The following TSHZ2 variants were observed in gnomAD, a reference collection of about 807,000 sequenced individuals.
TSHZ2 encodes teashirt zinc finger homeobox 2.
A neutral mutation model predicts 74.4 loss-of-function variants in TSHZ2; 21 were observed. The ratio of observed to expected loss-of-function variants is 0.28; its 90% confidence interval spans 0.20 to 0.41. TSHZ2 has a LOEUF of 0.41. Ranked by LOEUF, TSHZ2 falls within the 10% of genes least tolerant of loss-of-function variation. The probability of loss-of-function intolerance (pLI) is 1.00; values close to 1 mark genes in which losing one functional copy is unlikely to be tolerated. For missense variants in TSHZ2, 1,244 were observed against 1,293.5 expected, an observed-to-expected ratio of 0.96 and a Z score of 0.59; for synonymous variants, 540 against 515.3, an observed-to-expected ratio of 1.05 and a Z score of -0.65.
chr20:53,241,774 A>T (rs182721777), intron 1 of TSHZ2, among the ~76,000 whole-genome samples: 1 of 149,830 alleles, frequency 6.7e-6, no homozygotes, highest in African/African-American at 2.5e-5. Flanking sequence ...ATTATCTCCA[A>T]TTGATAGATG....
chr20:53,003,996 A>C (rs947297234), intron 1 of TSHZ2, among the ~76,000 whole-genome samples: 2 of 151,804 alleles, frequency 1.3e-5, no homozygotes, highest in African/African-American at 4.8e-5. Context: ...TGGAAAGTTC[A>C]GGGGAGTTCA....
At chr20:53,485,920 A>G (rs1308607102) in intron 2 of TSHZ2, among the ~76,000 whole-genome samples, 1 of 152,236 alleles carries the variant, frequency 6.6e-6, no homozygotes, top group African/African-American at 2.4e-5. Flanking sequence ...TTCACTATTA[A>G]GTGCACAGTT....
At chr20:53,112,471 T>C (rs1199508484) in intron 1 of TSHZ2, among the ~76,000 whole-genome samples, 2 of 152,180 alleles carry the variant, frequency 1.3e-5, no homozygotes, top group East Asian at 1.9e-4. Flanking sequence ...TCCTTCCAAT[T>C]ACTCTCAGAA....
chr20:53,446,066 T>G (rs1218430751), intron 2 of TSHZ2, among the ~76,000 whole-genome samples: 1 of 152,136 alleles, frequency 6.6e-6, no homozygotes, highest in Non-Finnish European at 1.5e-5. Flanking sequence ...ATGCCCTTGA[T>G]CATGTCACTG....
chr20:53,256,569 C>T lies in TSHZ2; in HGVS notation c.*6C>T. 3 of 1,570,822 alleles carry T rather than the reference C, an allele frequency of 1.9e-6. No individual in the cohort carries two copies. Among genetic ancestry groups the T allele is most frequent in the African/African-American group, 1.3e-5 (1 of 74,374 alleles). ...CAGACGTGGATGAAGAATAGCTCTG[C>T]AGGTATGGGTTTGCTCTGAGGCATT... On this transcript the variant is annotated splice_region_variant and 3_prime_UTR_variant, in exon 2 of 3. Transcript: ENST00000371497. This position sits in a 1 kb window ranked among gnomAD's most constrained non-coding sequence, Gnocchi z 4.3.
At chr20:53,421,813 G>A (rs548345188) in intron 2 of TSHZ2, among the ~76,000 whole-genome samples, 78 of 150,124 alleles carry the variant, frequency 5.2e-4, no homozygotes, top group Middle Eastern at 3.4e-3. Flanking sequence ...CTCCCGAGTA[G>A]CTGGGACTAC....
intron 1 of TSHZ2, among the ~76,000 whole-genome samples, chr20:52,979,830 T>C (rs1981493857): frequency 1.3e-5 from 2 of 152,214 alleles, no homozygotes; most frequent in Admixed American, 1.3e-4. Flanking sequence ...ATCAGTATTA[T>C]TTAGCTATGC....
At chr20:53,149,098 T>C (rs769704708) in intron 1 of TSHZ2, among the ~76,000 whole-genome samples, 2 of 152,236 alleles carry the variant, frequency 1.3e-5, no homozygotes, top group South Asian at 4.1e-4. Context: ...GCTGAAACTT[T>C]TTCTGTCTCT....
chr20:53,450,379 C>T (rs1371443338), intron 2 of TSHZ2, among the ~76,000 whole-genome samples: 1 of 152,212 alleles, frequency 6.6e-6, no homozygotes, highest in East Asian at 1.9e-4. Context: ...TCAGGGATCA[C>T]TTTTTGTTGC....
chr20:53,307,560 A>G (rs1207730828), intron 2 of TSHZ2, among the ~76,000 whole-genome samples: 1 of 152,204 alleles, frequency 6.6e-6, no homozygotes, highest in Non-Finnish European at 1.5e-5. Flanking sequence ...CTTTTGCAAC[A>G]TACTGAAGCC....
intron 1 of TSHZ2, among the ~76,000 whole-genome samples, chr20:52,999,980 A>G (rs1011325380): frequency 3.3e-5 from 5 of 152,206 alleles, no homozygotes; most frequent in African/African-American, 1.2e-4. Context: ...AACAGCTAAT[A>G]TTTATTGAGT....
At chr20:53,257,539 T>C (rs772360630) in intron 2 of TSHZ2, among the ~76,000 whole-genome samples, 6 of 152,238 alleles carry the variant, frequency 3.9e-5, no homozygotes, top group Admixed American at 6.5e-5. Flanking sequence ...GGCAGATTAG[T>C]TTCACCAGCC....
At chr20:53,441,823 C>G (rs1177260188) in intron 2 of TSHZ2, among the ~76,000 whole-genome samples, 1 of 152,064 alleles carries the variant, frequency 6.6e-6, no homozygotes, top group Non-Finnish European at 1.5e-5. Flanking sequence ...CTCAAATGAT[C>G]CACCCGCCTC....
intron 1 of TSHZ2, among the ~76,000 whole-genome samples, chr20:53,113,826 T>G (rs1420217049): frequency 6.6e-6 from 1 of 152,150 alleles, no homozygotes; most frequent in African/African-American, 2.4e-5. Flanking sequence ...AAGGCTGCTT[T>G]CCCCAGTCAT....
chr20:53,003,219 T>C (rs186505807), intron 1 of TSHZ2, among the ~76,000 whole-genome samples: 27 of 152,076 alleles, frequency 1.8e-4, no homozygotes, highest in African/African-American at 6.0e-4. Flanking sequence ...TGGGGTTCTA[T>C]TTTATTTCAT....
At chr20:53,305,075 G>A (rs1182444542) in intron 2 of TSHZ2, among the ~76,000 whole-genome samples, 1 of 151,644 alleles carries the variant, frequency 6.6e-6, no homozygotes, top group Non-Finnish European at 1.5e-5. Flanking sequence ...AGCTGGGACT[G>A]CAGGTGCCCT....
At chr20:53,039,253 C>G (rs1018763374) in intron 1 of TSHZ2, among the ~76,000 whole-genome samples, 3 of 152,010 alleles carry the variant, frequency 2.0e-5, no homozygotes, top group African/African-American at 7.2e-5. Flanking sequence ...GAACCTACCC[C>G]GATCATCTGA....
At chr20:53,185,301 C>T (rs900357805) in intron 1 of TSHZ2, 1 of 1,045,912 alleles carries the variant, frequency 9.6e-7, no homozygotes, top group African/African-American at 1.7e-5. Context: ...TTCTAGAACA[C>T]ACCCGACATG....
chr20:53,014,449 T>C (rs1440820455), intron 1 of TSHZ2, among the ~76,000 whole-genome samples: 3 of 152,144 alleles, frequency 2.0e-5, no homozygotes, highest in Non-Finnish European at 4.4e-5. Context: ...CAGAAAAATT[T>C]CTTCACCTAT....
Sources: gnomAD v4.1 joint callset for allele counts (sites outside exome capture counted in the v4.1 genomes callset) on GRCh38, gnomAD v4.1.1 for gene constraint, Gnocchi (gnomAD v3.1) non-coding constraint, MANE v1.5 for transcripts, NCBI Gene and HGNC (gene_info 2026-07-23, HGNC 2026-07-21) for gene names.